The following VPS13A variants were observed in gnomAD, a reference collection of about 807,000 sequenced individuals.
The protein encoded by VPS13A is intermembrane lipid transfer protein VPS13A.
Under a neutral mutation model 390.9 loss-of-function variants are expected in VPS13A, and 264 were observed. That is an observed-to-expected ratio of 0.68 (90% confidence interval 0.61 to 0.75). VPS13A has a LOEUF of 0.75. VPS13A is among the 30% of genes least tolerant of loss of function. The pLI, the probability that VPS13A is intolerant of heterozygous loss-of-function variation, is 0.00. For missense variants in VPS13A, 3,409 were observed against 3,733.9 expected (o/e 0.91, Z 2.27); for synonymous variants, 1,231 against 1,227.1 (o/e 1.00, Z -0.07).
chr9:77,321,795 C>G (rs777086822), intron 44 of VPS13A, 49 bp downstream of exon 44: 1 of 1,596,854 alleles, frequency 6.3e-7, no homozygotes, highest in East Asian at 2.2e-5. Flanking sequence ...TTTTAAATTA[C>G]AATTTACATG....
At chr9:77,366,390 G>C (rs2131579418) in intron 60 of VPS13A, among the ~76,000 whole-genome samples, 1 of 152,022 alleles carries the variant, frequency 6.6e-6, no homozygotes, top group South Asian at 2.1e-4. Flanking sequence ...ATATAAGTTG[G>C]GGACCATATG....
chr9:77,232,809 C>A (rs1823912891), intron 17 of VPS13A, among the ~76,000 whole-genome samples: 1 of 152,102 alleles, frequency 6.6e-6, no homozygotes, highest in African/African-American at 2.4e-5. Context: ...CCCATCAGGT[C>A]TCTCCCACGA....
chr9:77,234,308 C>T (rs1050824037), intron 17 of VPS13A, among the ~76,000 whole-genome samples: 9 of 152,090 alleles, frequency 5.9e-5, no homozygotes, highest in Non-Finnish European at 8.8e-5. Context: ...TCCTGAGTAG[C>T]TGGAATTAAA....
At chr9:77,396,099 T>C (rs1431259964) in intron 68 of VPS13A, among the ~76,000 whole-genome samples, 1 of 152,232 alleles carries the variant, frequency 6.6e-6, no homozygotes, top group African/African-American at 2.4e-5. Context: ...TACATTACCC[T>C]TGATGCTCTC....
intron 71 of VPS13A, among the ~76,000 whole-genome samples, chr9:77,411,999 A>G (rs1223890483): frequency 6.6e-6 from 1 of 152,194 alleles, no homozygotes; most frequent in African/African-American, 2.4e-5. Flanking sequence ...TCTAGAAGAA[A>G]TGGATAAATT....
At chr9:77,294,536 G>T (rs1210447749) in intron 32 of VPS13A, among the ~76,000 whole-genome samples, 1 of 152,146 alleles carries the variant, frequency 6.6e-6, no homozygotes, top group African/African-American at 2.4e-5. Flanking sequence ...AGCAAGAAAA[G>T]TATTTGCGTG....
intron 16 of VPS13A, 90 bp downstream of exon 16, chr9:77,227,575 T>A (rs1823586330): frequency 2.0e-6 from 2 of 997,202 alleles, no homozygotes; most frequent in African/African-American, 1.6e-5. Flanking sequence ...CAGGCTGGAC[T>A]GCAGTGGTGT....
Position 77,308,040 on chromosome 9 carries a change from A to G in VPS13A, c.4056A>G (p.Thr1352=), listed in dbSNP as rs1327934061. The part of the protein sequence containing the change: ...EKDGSASPAV[T]KDQYSATSGV... The stretch of plus-strand genomic sequence containing the variant: ...ATGGTAGTGCCTCACCTGCTGTAAC[A>G]AAAGACCAATACAGTGCCACTAGTG... Residue 1352 remains threonine, a synonymous_variant, in exon 35 of 72, where the codon ACA becomes ACG. Transcript: ENST00000360280. The G allele has an allele frequency of 6.2e-7, 1 of 1,613,940 alleles. No homozygotes were observed. Among genetic ancestry groups the G allele is most frequent in the Non-Finnish European group, 8.5e-7 (1 of 1,179,886 alleles).
intron 2 of VPS13A, among the ~76,000 whole-genome samples, chr9:77,200,509 C>A (rs1377096452): frequency 6.6e-6 from 1 of 151,914 alleles, no homozygotes; most frequent in African/African-American, 2.4e-5. Context: ...AAAACAAAAA[C>A]AAACATACAA....
chr9:77,400,970 C>T (rs772434031), intron 68 of VPS13A, among the ~76,000 whole-genome samples: 1 of 151,904 alleles, frequency 6.6e-6, no homozygotes, highest in African/African-American at 2.4e-5. Flanking sequence ...TTACTTAAAA[C>T]GCCATTTATT....
At chr9:77,224,510 A>AG (rs1823397618) in intron 13 of VPS13A, among the ~76,000 whole-genome samples, 1 of 152,210 alleles carries the variant, frequency 6.6e-6, no homozygotes, top group African/African-American at 2.4e-5. Context: ...AGACCTTGAG[A>AG]GGTTCAAGAT....
chr9:77,411,324 C>A (rs1470783007), intron 71 of VPS13A, among the ~76,000 whole-genome samples: 1 of 152,006 alleles, frequency 6.6e-6, no homozygotes, highest in Non-Finnish European at 1.5e-5. Context: ...TAAATGTCCA[C>A]AAGAGAAAGC....
Position 77,302,981 on chromosome 9 carries a change from T to C in VPS13A, c.3879T>C (p.Val1293=), listed in dbSNP as rs1348401775. Reference sequence around the variant, plus strand: ...TACTCCTGCCATTAAATCTTGAGGTTGTGGTTGAACGAAATTTATGCTGGG... The same window carrying C: ...TACTCCTGCCATTAAATCTTGAGGTCGTGGTTGAACGAAATTTATGCTGGG... The part of the protein sequence containing the change: ...LDLLLPLNLE[V]VVERNLCWEW... The change falls in exon 34 of 72, where the codon GTT becomes GTC. Residue 1293 remains valine, a synonymous_variant. Transcript: ENST00000360280. 2 of 1,614,078 alleles carry C rather than the reference T, an allele frequency of 1.2e-6. No individual in the cohort carries two copies. Among genetic ancestry groups the C allele is most frequent in the Admixed American group, 3.3e-5 (2 of 60,028 alleles).
At position 77,214,190 on chromosome 9, in the gene VPS13A, C is replaced by T. The variant is rs527935183; in HGVS notation, c.697-139C>T. ...ACTCGGGAGGCTGAGGCAGGAGAAT[C>T]GCATGAGTCCATGAGACAGGGGTTG... On this transcript the variant is annotated intron_variant, in intron 9 of 71. Transcript: ENST00000360280. 4.5e-5 allele frequency: 31 copies of T among 694,690 alleles called. No homozygotes were observed. The East Asian group carries it at 4.6e-4, about 10-fold the overall frequency. The allele number at this position is 694,690 out of a possible 1,614,324, so 43.0% of individuals were successfully genotyped here.
intron 32 of VPS13A, among the ~76,000 whole-genome samples, chr9:77,295,294 C>T (rs544452930): frequency 1.3e-5 from 2 of 152,178 alleles, no homozygotes; most frequent in South Asian, 4.1e-4. Context: ...ATCTGTAAGA[C>T]ATTCCAGTGA....
At chr9:77,404,064 T>C (rs1365490447) in intron 69 of VPS13A, among the ~76,000 whole-genome samples, 1 of 152,214 alleles carries the variant, frequency 6.6e-6, no homozygotes, top group African/African-American at 2.4e-5. Context: ...GAATCTAAAA[T>C]GTATAGCCCT....
At chr9:77,259,197 G>A (rs1374793721) in intron 22 of VPS13A, among the ~76,000 whole-genome samples, 2 of 152,090 alleles carry the variant, frequency 1.3e-5, no homozygotes, top group African/African-American at 4.8e-5. Flanking sequence ...GTTGAGCTGC[G>A]TTAAGTTGAA....
At chr9:77,237,338 C>G (rs1404226340) in intron 17 of VPS13A, among the ~76,000 whole-genome samples, 1 of 151,978 alleles carries the variant, frequency 6.6e-6, no homozygotes, top group Non-Finnish European at 1.5e-5. Flanking sequence ...GAAGTCCTGC[C>G]TCATCCTTGG....
At chr9:77,183,099 A>G (rs1430652938) in intron 1 of VPS13A, among the ~76,000 whole-genome samples, 1 of 152,226 alleles carries the variant, frequency 6.6e-6, no homozygotes, top group African/African-American at 2.4e-5. Flanking sequence ...ACTTTAATAA[A>G]ACTTTAAAGA....
Sources: allele counts gnomAD v4.1 joint callset (sites outside exome capture counted in the v4.1 genomes callset), GRCh38; gene constraint gnomAD v4.1.1; transcripts MANE v1.5; gene names NCBI Gene and HGNC (gene_info 2026-07-23, HGNC 2026-07-21).